Variants in DNAH10 observed in about 807,000 individuals in gnomAD.
DNAH10 encodes the protein dynein axonemal heavy chain 10.
In DNAH10, 348 loss-of-function variants were observed where a neutral mutation model predicts 506.6. The ratio of observed to expected loss-of-function variants is 0.69; its 90% CI spans 0.63 to 0.75. DNAH10 has a LOEUF of 0.75. Ranked by LOEUF, DNAH10 falls within the 30% of genes least tolerant of loss-of-function variation. The pLI, the probability that DNAH10 is intolerant of heterozygous loss-of-function variation, is 0.00. For missense variants in DNAH10, 5,179 were observed against 5,787.1 expected (o/e 0.89, Z 3.41); for synonymous variants, 2,059 against 2,198.6 (o/e 0.94, Z 1.78).
intron 19 of DNAH10, 49 bp downstream of exon 19, chr12:123,809,002 C>T (rs1958823783): frequency 1.2e-6 from 2 of 1,604,966 alleles, no homozygotes; most frequent in Non-Finnish European, 1.7e-6. Context: ...TCTCAGGATG[C>T]CTCCGCCTCC....
At position 123,919,838 on chromosome 12, in the gene DNAH10, G is replaced by A. The variant is rs768762508; in HGVS notation, c.11506+889G>A. On this transcript the variant is annotated intron_variant, in intron 65 of 78. Transcript: ENST00000673944. This position sits in a 1 kb window ranked among gnomAD's most constrained non-coding sequence, Gnocchi z 4.9. ...GTCACATTCCATGTATGGACAGACC[G>A]CACTGTGTTTATCCACCCGTCACCT... Among the ~76,000 whole-genome samples, 2 of 152,236 alleles carry A rather than the reference G, an allele frequency of 1.3e-5. No individual in the cohort carries two copies. Among genetic ancestry groups the A allele is most frequent in the Non-Finnish European group, 2.9e-5 (2 of 68,048 alleles).
At chr12:123,893,478 G>T in intron 53 of DNAH10, 42 bp downstream of exon 53, 1 of 1,608,884 alleles carries the variant, frequency 6.2e-7, no homozygotes, top group Non-Finnish European at 8.5e-7. Context: ...CCCTGCTTTG[G>T]CAGAGTGTGT....
intron 1 of DNAH10, among the ~76,000 whole-genome samples, chr12:123,766,896 CTTTTCTT>C (rs1239400287): frequency 1.5e-4 from 22 of 142,214 alleles, no homozygotes; most frequent in Admixed American, 6.9e-4. Flanking sequence ...TTTTTCTTTT[CTTTTCTT>C]TTTTCTTTTT....
chr12:123,857,179 TACCCTG>T lies in DNAH10; in HGVS notation c.6565_6570del (p.Pro2189_Asp2190del), dbSNP rs1292864775. ...TGGGCTGGACTGCCCTCGCGTCCGCTACCCTGACTTCAACGATGCGGTAGAGCAGGT... is the reference window on the plus strand; with the variant it reads ...TGGGCTGGACTGCCCTCGCGTCCGCTACTTCAACGATGCGGTAGAGCAGGT... On this transcript the variant is annotated inframe_deletion, in exon 37 of 79. Coordinates refer to ENST00000673944, the MANE Select transcript of DNAH10 (RefSeq NM_001372106.1). The T allele has an allele frequency of 6.2e-7, 1 of 1,609,164 alleles. No homozygotes were observed. Among genetic ancestry groups the T allele is most frequent in the East Asian group, 2.2e-5 (1 of 44,596 alleles).
At position 123,910,594 on chromosome 12, in the gene DNAH10, G is replaced by C. The variant is rs552945433; in HGVS notation, c.10056G>C (p.Gly3352=). The C allele has an allele frequency of 1.2e-6, 2 of 1,613,548 alleles. No homozygotes were observed. The highest frequency in any genetic ancestry group is 1.7e-5 in the Admixed American group (1 of 60,000). ...AAATGGAAGCTGTCAGCAAAGCCGG[G>C]CTGGGGATGCTGAAATTTGTTGAAG... is the stretch of plus-strand genomic sequence containing the variant. The part of the protein sequence containing the change: ...TEEMEAVSKA[G]LGMLKFVEAV... Residue 3352 remains glycine (G), a synonymous_variant, in exon 59 of 79, where the codon GGG becomes GGC. Transcript: ENST00000673944.
Position 123,917,943 on chromosome 12 carries a change from G to A in DNAH10, c.11232+130G>A. ...TCAGGGCTAAAAACCCACCTCTATT[G>A]GGATGTGCTGTGGGGAGGGGAGCCC... On this transcript the variant is annotated intron_variant, in intron 64 of 78. Coordinates refer to ENST00000673944, the MANE Select transcript of DNAH10 (RefSeq NM_001372106.1). This position sits in a 1 kb window ranked among gnomAD's most constrained non-coding sequence, Gnocchi z 5.6. 1.0e-6 allele frequency: 1 copy of A among 990,136 alleles called. No homozygotes were observed. Among genetic ancestry groups the A allele is most frequent in the Non-Finnish European group, 1.5e-6 (1 of 673,122 alleles). 61.3% of individuals were successfully genotyped at this position (990,136 alleles called of 1,614,324 possible).
At chr12:123,789,079 C>T (rs1468023550) in intron 10 of DNAH10, among the ~76,000 whole-genome samples, 2 of 151,954 alleles carry the variant, frequency 1.3e-5, no homozygotes, top group Non-Finnish European at 2.9e-5. Flanking sequence ...GAAACCCTGT[C>T]TCTATGAAAA....
At chr12:123,879,518 G>GA (rs1326504586) in intron 49 of DNAH10, 116 bp from the exon 50 acceptor site, 37 of 1,505,144 alleles carry the variant, frequency 2.5e-5, no homozygotes, top group Non-Finnish European at 2.5e-5. Context: ...TGCAGCAACT[G>GA]AAAAAAAATA....
intron 56 of DNAH10, among the ~76,000 whole-genome samples, chr12:123,900,093 T>C (rs549005276): frequency 1.7e-4 from 26 of 152,342 alleles, no homozygotes; most frequent in African/African-American, 4.1e-4. Flanking sequence ...AGTAACTTGC[T>C]CTTTCTCTCC....
intron 54 of DNAH10, among the ~76,000 whole-genome samples, chr12:123,896,108 A>ATC (rs1566063850): frequency 1.8e-4 from 8 of 45,046 alleles, no homozygotes; most frequent in Middle Eastern, 0.026. Flanking sequence ...GTGAGACTTT[A>ATC]TCTCACACAC....
At chr12:123,873,518 G>A in intron 45 of DNAH10, 40 bp from the exon 46 acceptor site, 1 of 1,570,806 alleles carries the variant, frequency 6.4e-7, no homozygotes. Context: ...GCTACCCTGG[G>A]GAAAAAGCTG....
Position 123,893,395 on chromosome 12 carries a change from C to T in DNAH10, c.9158C>T (p.Pro3053Leu). 1 of 1,613,396 alleles carries T rather than the reference C, an allele frequency of 6.2e-7. No homozygotes were observed. Among genetic ancestry groups the T allele is most frequent in the Non-Finnish European group, 8.5e-7 (1 of 1,179,900 alleles). ...CTGCACATTGTCCTGGGCATGTCGC[C>T]AGTGGGGGACACCCTGAGGACCTGG... is the stretch of plus-strand genomic sequence containing the variant. ...NNLHIVLGMS[P>L]VGDTLRTWCR... Residue 3053 changes from proline to leucine, a missense_variant, in exon 53 of 79, where the codon CCA (proline) becomes CTA (leucine). Coordinates refer to ENST00000673944, the MANE Select transcript of DNAH10 (RefSeq NM_001372106.1).
intron 21 of DNAH10, among the ~76,000 whole-genome samples, chr12:123,815,339 A>G (rs1364122835): frequency 6.6e-6 from 1 of 151,840 alleles, no homozygotes; most frequent in Non-Finnish European, 1.5e-5. Flanking sequence ...TTTATTTTTT[A>G]TTGTTATATA....
intron 28 of DNAH10, among the ~76,000 whole-genome samples, chr12:123,837,093 T>C (rs1417120885): frequency 4.0e-5 from 6 of 148,542 alleles, no homozygotes; most frequent in Admixed American, 6.8e-5. Flanking sequence ...CCTCATGATC[T>C]GCCCACCTTG....
intron 54 of DNAH10, among the ~76,000 whole-genome samples, chr12:123,896,116 C>T (rs972393604): frequency 1.5e-4 from 13 of 86,888 alleles, no homozygotes; most frequent in African/African-American, 8.2e-4. Flanking sequence ...TTATCTCACA[C>T]ACACACACAC....
Position 123,893,153 on chromosome 12 carries a change from C to A in DNAH10, c.8996-80C>A. 2.8e-6 allele frequency: 4 copies of A among 1,418,248 alleles called. No individual in the cohort carries two copies. In the South Asian group the frequency reaches 3.6e-5, roughly 13 times the overall value. The allele number at this position is 1,418,248 out of a possible 1,614,324, so 87.9% of individuals were successfully genotyped here. ...CTCAGCACCTGCTGATCTTTCCACACCTTCCATCACTCAGTCAGCACTTAG... is the reference window on the plus strand; with the variant it reads ...CTCAGCACCTGCTGATCTTTCCACAACTTCCATCACTCAGTCAGCACTTAG... On this transcript the variant is annotated intron_variant, in intron 52 of 78. Transcript: ENST00000673944.
chr12:123,794,728 C>T (rs1958211479), intron 12 of DNAH10, among the ~76,000 whole-genome samples: 1 of 151,770 alleles, frequency 6.6e-6, no homozygotes. Context: ...CACCTATGGT[C>T]TCAGCTACTT....
intron 18 of DNAH10, 21 bp from the exon 19 acceptor site, chr12:123,808,776 T>C (rs764850812): frequency 1.2e-6 from 2 of 1,613,540 alleles, no homozygotes; most frequent in South Asian, 1.1e-5. Context: ...ACTCTGAGTC[T>C]TTCTCATCAA....
rs760684751 is a variant in DNAH10, at chr12:123,926,733, T to C, written c.12018T>C (p.Pro4006=). ...IVFILSPGSD[P]ATDLMKLAER... ...TTATCCTGAGTCCTGGCTCCGACCC[T>C]GCCACTGATCTTATGAAATTAGCAG... Residue 4006 remains proline (P), a synonymous_variant, in exon 69 of 79, where the codon CCT becomes CCC. Coordinates refer to ENST00000673944, the MANE Select transcript of DNAH10 (RefSeq NM_001372106.1). The surrounding 1 kb of genome is among the most constrained non-coding windows in gnomAD (Gnocchi z 4.1). 1.2e-6 allele frequency: 2 copies of C among 1,614,028 alleles called. No individual in the cohort carries two copies. Among genetic ancestry groups the C allele is most frequent in the Non-Finnish European group, 1.7e-6 (2 of 1,179,900 alleles).
Sources: gnomAD v4.1 joint callset for allele counts (sites outside exome capture counted in the v4.1 genomes callset) on GRCh38, gnomAD v4.1.1 for gene constraint, Gnocchi (gnomAD v3.1) non-coding constraint, MANE v1.5 for transcripts, NCBI Gene and HGNC (gene_info 2026-07-23, HGNC 2026-07-21) for gene names.